Variants in IL1RAPL1 observed in about 807,000 individuals in gnomAD.
IL1RAPL1 encodes the protein interleukin 1 receptor accessory protein like 1.
A neutral mutation model predicts 48.4 loss-of-function variants in IL1RAPL1; 3 were observed. The observed-to-expected ratio is 0.06, with a 90% CI of 0.03 to 0.16. The LOEUF is 0.16. IL1RAPL1 is among the 10% of genes least tolerant of loss of function. The pLI is 1.00. For synonymous variants in IL1RAPL1, 185 were observed against 187.7 expected, an observed-to-expected ratio of 0.99 and a Z score of 0.12; for missense variants, 349 against 530.6, an observed-to-expected ratio of 0.66 and a Z score of 3.36.
chrX:29,077,320 A>G (rs977514260), intron 2 of IL1RAPL1, among the ~76,000 whole-genome samples: 1 of 111,484 alleles, frequency 9.0e-6, no homozygotes, highest in Non-Finnish European at 1.9e-5. Flanking sequence ...AACCTATCAA[A>G]TAGGCCAGGC....
chrX:29,864,950 A>C (rs1261974144), intron 6 of IL1RAPL1, among the ~76,000 whole-genome samples: 1 of 112,114 alleles, frequency 8.9e-6, no homozygotes, highest in Non-Finnish European at 1.9e-5. Context: ...TACTTATCAG[A>C]AAAGAGCATA....
intron 5 of IL1RAPL1, among the ~76,000 whole-genome samples, chrX:29,590,435 G>A (rs1923331179): frequency 9.0e-6 from 1 of 111,646 alleles, no homozygotes; most frequent in Non-Finnish European, 1.9e-5. Flanking sequence ...CCTTCCCAAG[G>A]GCAGGTATTT....
chrX:29,087,191 G>A (rs1269931400), intron 2 of IL1RAPL1, among the ~76,000 whole-genome samples: 1 of 99,669 alleles, frequency 1.0e-5, no homozygotes, highest in Non-Finnish European at 2.0e-5. Flanking sequence ...AGGCTGGAGT[G>A]CAGTGGCACA....
At chrX:28,863,057 T>G (rs978849838) in intron 2 of IL1RAPL1, among the ~76,000 whole-genome samples, 2 of 110,885 alleles carry the variant, frequency 1.8e-5, no homozygotes, top group African/African-American at 6.6e-5. Flanking sequence ...ATTTTTGTAT[T>G]TTTAGTAGAG....
intron 1 of IL1RAPL1, among the ~76,000 whole-genome samples, chrX:28,743,154 A>G (rs1354731658): frequency 9.0e-6 from 1 of 110,985 alleles, no homozygotes; most frequent in Non-Finnish European, 1.9e-5. Context: ...ATTTCAAATA[A>G]CCTCTAATGG....
chrX:28,709,271 C>T (rs1380297117), intron 1 of IL1RAPL1, among the ~76,000 whole-genome samples: 4 of 112,277 alleles, frequency 3.6e-5, no homozygotes, highest in Non-Finnish European at 5.6e-5. Context: ...AGAAAATAGA[C>T]AGCCCCAAAT....
chrX:29,096,378 A>T (rs931227276), intron 2 of IL1RAPL1, among the ~76,000 whole-genome samples: 6 of 112,272 alleles, frequency 5.3e-5, no homozygotes, highest in Non-Finnish European at 1.1e-4. Flanking sequence ...ATATTAATGT[A>T]AATATAATTT....
At chrX:29,738,789 C>G (rs148273190) in intron 6 of IL1RAPL1, among the ~76,000 whole-genome samples, 4,021 of 111,819 alleles carry the variant, frequency 0.036, 183 homozygotes, top group African/African-American at 0.12. Context: ...TCCCAATGCG[C>G]AGAATCCGGG....
At chrX:29,165,689 C>G (rs1198739994) in intron 2 of IL1RAPL1, among the ~76,000 whole-genome samples, 1 of 111,512 alleles carries the variant, frequency 9.0e-6, no homozygotes, top group Non-Finnish European at 1.9e-5. Flanking sequence ...TCTCCCAAAT[C>G]CCTAGGACAG....
At chrX:29,126,957 A>G (rs1377842815) in intron 2 of IL1RAPL1, among the ~76,000 whole-genome samples, 2 of 111,673 alleles carry the variant, frequency 1.8e-5, no homozygotes, top group Non-Finnish European at 3.8e-5. Flanking sequence ...ATGCATGGCA[A>G]TATGTAATTA....
chrX:29,573,194 A>G (rs1017494065), intron 5 of IL1RAPL1, among the ~76,000 whole-genome samples: 15 of 112,064 alleles, frequency 1.3e-4, no homozygotes, highest in African/African-American at 4.9e-4. Flanking sequence ...CACCCTCATG[A>G]TATAGTCACT....
At chrX:28,982,176 G>A (rs1282136608) in intron 2 of IL1RAPL1, among the ~76,000 whole-genome samples, 2 of 111,886 alleles carry the variant, frequency 1.8e-5, no homozygotes, top group Non-Finnish European at 3.8e-5. Flanking sequence ...AACACTTTCA[G>A]TGTAGGTGCT....
chrX:29,807,030 C>T (rs1232291120), intron 6 of IL1RAPL1, among the ~76,000 whole-genome samples: 1 of 110,984 alleles, frequency 9.0e-6, no homozygotes, highest in Non-Finnish European at 1.9e-5. Flanking sequence ...ACTGTATAGC[C>T]TTCAGGACCG....
chrX:29,052,251 C>T (rs1267935273), intron 2 of IL1RAPL1, among the ~76,000 whole-genome samples: 1 of 111,424 alleles, frequency 9.0e-6, no homozygotes, highest in East Asian at 2.8e-4. Flanking sequence ...TCTATTCCAT[C>T]CCACTAGTTA....
chrX:29,924,018 A>G lies in IL1RAPL1; in HGVS notation c.1057+3924A>G, dbSNP rs888869095. Reference sequence around the variant, plus strand: ...GTGTTCAAAACCCAACTCTGTTCTTACTAGCTGTGCTATCTGGGGCAAATT... The same window carrying G: ...GTGTTCAAAACCCAACTCTGTTCTTGCTAGCTGTGCTATCTGGGGCAAATT... On this transcript the variant is annotated intron_variant, in intron 8 of 10. Coordinates refer to ENST00000378993, the MANE Select transcript of IL1RAPL1 (RefSeq NM_014271.4). Among the ~76,000 whole-genome samples the G allele has an allele frequency of 7.1e-5, 8 of 112,065 alleles. No homozygotes were observed. The South Asian group carries it at 2.6e-3, about 37-fold the overall frequency.
chrX:29,448,263 C>A (rs1165346864), intron 5 of IL1RAPL1, among the ~76,000 whole-genome samples: 1 of 111,765 alleles, frequency 8.9e-6, no homozygotes, highest in Non-Finnish European at 1.9e-5. Context: ...AGATTCTCTG[C>A]TATTTAAATG....
intron 6 of IL1RAPL1, among the ~76,000 whole-genome samples, chrX:29,899,050 ATTAAAAACCAAG>A (rs763519892): frequency 2.7e-5 from 3 of 111,512 alleles, no homozygotes; most frequent in Admixed American, 9.6e-5. Context: ...GGCTGTTGTG[ATTAAAAACCAAG>A]TGAAAAACTT....
At chrX:29,662,627 C>G (rs1925879655) in intron 5 of IL1RAPL1, among the ~76,000 whole-genome samples, 1 of 111,952 alleles carries the variant, frequency 8.9e-6, no homozygotes, top group African/African-American at 3.2e-5. Context: ...ACAAACCACA[C>G]TTATCAAATT....
chrX:29,327,340 A>G (rs1397397676), intron 3 of IL1RAPL1, among the ~76,000 whole-genome samples: 4 of 110,004 alleles, frequency 3.6e-5, no homozygotes, highest in Non-Finnish European at 7.6e-5. Flanking sequence ...CATATTTGAA[A>G]TATATATTCT....
Sources: allele counts gnomAD v4.1 joint callset (sites outside exome capture counted in the v4.1 genomes callset), GRCh38; gene constraint gnomAD v4.1.1; transcripts MANE v1.5; gene names NCBI Gene and HGNC (gene_info 2026-07-23, HGNC 2026-07-21).